Variants in ANKRD45 observed in about 807,000 individuals in gnomAD.
The protein encoded by ANKRD45 is ankyrin repeat domain-containing protein 45.
Under a neutral mutation model 28.1 loss-of-function variants are expected in ANKRD45, and 21 were observed. The ratio of observed to expected loss-of-function variants is 0.75; its 90% CI spans 0.53 to 1.08. The LOEUF (loss-of-function observed/expected upper bound fraction) is 1.08, where lower values mean the gene tolerates loss of function less well. Ranked by LOEUF, ANKRD45 falls within the 50% of genes least tolerant of loss-of-function variation. The pLI is 0.00. For synonymous variants in ANKRD45, 86 were observed against 103.9 expected (o/e 0.83, Z 1.05); for missense variants, 261 against 308.7 (o/e 0.85, Z 1.16).
At chr1:173,649,278 A>C (rs1669072132) in intron 2 of ANKRD45, among the ~76,000 whole-genome samples, 1 of 152,156 alleles carries the variant, frequency 6.6e-6, no homozygotes, top group Admixed American at 6.5e-5. Context: ...TCCATGAACA[A>C]CTTGATATAA....
chr1:173,639,350 A>G (rs1013018925), intron 3 of ANKRD45, among the ~76,000 whole-genome samples: 1 of 152,200 alleles, frequency 6.6e-6, no homozygotes, highest in Non-Finnish European at 1.5e-5. Flanking sequence ...TGCAGATCAG[A>G]TAACCAAACA....
upstream of ANKRD45, among the ~76,000 whole-genome samples, chr1:173,674,008 C>G (rs1670337969): frequency 6.6e-6 from 1 of 151,926 alleles, no homozygotes; most frequent in Non-Finnish European, 1.5e-5. Flanking sequence ...TGTGAGGGAA[C>G]CTTTCTTTTC....
At chr1:173,616,991 G>A (rs549136780) in intron 5 of ANKRD45, among the ~76,000 whole-genome samples, 11 of 152,006 alleles carry the variant, frequency 7.2e-5, no homozygotes, top group South Asian at 2.1e-4. Context: ...CACAATGTAC[G>A]TGTGGCTTAT....
At chr1:173,685,075 A>T in the ANKRD45 span, among the ~76,000 whole-genome samples, 1 of 152,158 alleles carries the variant, frequency 6.6e-6, no homozygotes, top group Admixed American at 6.6e-5. Flanking sequence ...CCTCTGGTTG[A>T]TAAAATGCCA....
At chr1:173,679,910 T>A in the ANKRD45 span, among the ~76,000 whole-genome samples, 2 of 152,200 alleles carry the variant, frequency 1.3e-5, no homozygotes, top group East Asian at 3.8e-4. Flanking sequence ...AAAGAAGACA[T>A]TTATGCAGCC....
At chr1:173,656,574 A>G (rs997249579) in intron 2 of ANKRD45, among the ~76,000 whole-genome samples, 1 of 152,170 alleles carries the variant, frequency 6.6e-6, no homozygotes. Flanking sequence ...ACTGTGATGT[A>G]TGGCCCGACA....
At chr1:173,665,970 C>T (rs563149352) in intron 1 of ANKRD45, among the ~76,000 whole-genome samples, 2 of 152,158 alleles carry the variant, frequency 1.3e-5, no homozygotes, top group Non-Finnish European at 2.9e-5. Context: ...GCTATGATCA[C>T]GCCACTGCAC....
chr1:173,628,678 T>C (rs1013361642), intron 3 of ANKRD45, among the ~76,000 whole-genome samples: 4 of 152,164 alleles, frequency 2.6e-5, no homozygotes, highest in East Asian at 1.9e-4. Context: ...CCAGATGGCA[T>C]CTCCAGACCC....
At chr1:173,689,676 T>A in the ANKRD45 span, among the ~76,000 whole-genome samples, 1 of 152,152 alleles carries the variant, frequency 6.6e-6, no homozygotes, top group Admixed American at 6.6e-5. Flanking sequence ...CTGTTGTATA[T>A]CAAGTGCTTT....
chr1:173,641,980 G>A lies in ANKRD45; in HGVS notation c.496+4866C>T, dbSNP rs1050083414. Among the ~76,000 whole-genome samples, 63 of 152,158 alleles carry A rather than the reference G, an allele frequency of 4.1e-4. 1 individual carries two copies. Among genetic ancestry groups the A allele is most frequent in the African/African-American group, 1.4e-3 (57 of 41,434 alleles). ...TAAGACCTACCAGCCAGATGGCCTG[G>A]AAAAATAGAATAGCCTTAGATATGA... On this transcript the variant is annotated intron_variant, in intron 3 of 5. Coordinates refer to ENST00000333279, the MANE Select transcript of ANKRD45 (RefSeq NM_198493.3).
At chr1:173,682,912 G>C in the ANKRD45 span, among the ~76,000 whole-genome samples, 1 of 151,658 alleles carries the variant, frequency 6.6e-6, no homozygotes, top group East Asian at 1.9e-4. Flanking sequence ...GGCCCTTTTA[G>C]TAGTCAAAAT....
chr1:173,679,814 T>C, the ANKRD45 span, among the ~76,000 whole-genome samples: 1 of 152,152 alleles, frequency 6.6e-6, no homozygotes, highest in East Asian at 1.9e-4. Flanking sequence ...AGGGCTGATA[T>C]CCAGAACCTA....
intron 5 of ANKRD45, 134 bp from the exon 6 acceptor site, chr1:173,610,349 G>T (rs565599017): frequency 1.8e-5 from 14 of 772,046 alleles, no homozygotes; most frequent in Middle Eastern, 3.7e-4. Flanking sequence ...TTCAACCCTA[G>T]TGTTGTTGGT....
chr1:173,659,406 C>A lies in ANKRD45; in HGVS notation c.13G>T (p.Gly5Ter). The A allele has an allele frequency of 6.4e-7, 1 of 1,554,552 alleles. No individual in the cohort carries two copies. The highest frequency in any genetic ancestry group is 8.7e-7 in the Non-Finnish European group (1 of 1,154,944). Residue 5 changes from glycine (G) to a stop codon, truncating the protein, a stop_gained, in exon 2 of 6, where the codon GGA becomes TGA. Coordinates refer to ENST00000333279, the MANE Select transcript of ANKRD45 (RefSeq NM_198493.3). LOFTEE classifies it high-confidence loss of function. The part of the protein sequence containing the change: MESE[G>*]PPESESSEFF... ...TCTGAACTCTCTGACTCTGGAGGTC[C>A]TTCTGACTCCATTAACTCCAAAAAT...
In ANKRD45 at chr1:173,659,176, C is replaced by G. The variant is rs1474809556; in HGVS notation, c.243G>C (p.Leu81Phe). Residue 81 changes from leucine (L) to phenylalanine (F), a missense_variant, in exon 2 of 6, where the codon TTG (leucine) becomes TTC (phenylalanine). By Grantham distance (22) the Leu-to-Phe change is conservative (BLOSUM62 0). Coordinates refer to ENST00000333279, the MANE Select transcript of ANKRD45 (RefSeq NM_198493.3). Reference protein sequence around the residue: ...LEEDIVGRNLLYAACMAGQSD... With the variant: ...LEEDIVGRNLFYAACMAGQSD... ...TTTGCCCAGCCATGCAAGCTGCATA[C>G]AACAAATTTCTCCCAACGATGTCTT... 6.2e-7 allele frequency: 1 copy of G among 1,614,158 alleles called. No individual in the cohort carries two copies. The highest frequency in any genetic ancestry group is 2.2e-5 in the East Asian group (1 of 44,882).
At chr1:173,637,165 C>A in intron 3 of ANKRD45, 1 of 692,530 alleles carries the variant, frequency 1.4e-6, no homozygotes, top group Non-Finnish European at 2.3e-6. Context: ...TAAAATTTTC[C>A]AAAGAAGCCT....
At chr1:173,639,681 C>T (rs1373223572) in intron 3 of ANKRD45, among the ~76,000 whole-genome samples, 1 of 152,182 alleles carries the variant, frequency 6.6e-6, no homozygotes, top group African/African-American at 2.4e-5. Flanking sequence ...GGGGAGGGAT[C>T]CAGGACTAAG....
intron 2 of ANKRD45, 137 bp from the exon 3 acceptor site, chr1:173,647,150 T>C (rs1668973889): frequency 2.7e-6 from 2 of 728,378 alleles, no homozygotes; most frequent in East Asian, 2.8e-5. Flanking sequence ...GTCTTACATA[T>C]AGAAAACTCA....
At position 173,634,950 on chromosome 1, in the gene ANKRD45, A is replaced by C. The variant is rs889063543; in HGVS notation, c.497-7791T>G. 8.5e-5 allele frequency among the ~76,000 whole-genome samples: 13 copies of C among 152,128 alleles called. No individual in the cohort carries two copies. In the East Asian group the frequency reaches 1.7e-3, roughly 20 times the overall value. ...ACTATTTGAAGGGAAGGACATTCCC[A>C]AACAAAAAAATAAAAGCAGATGCTG... On this transcript the variant is annotated intron_variant, in intron 3 of 5. Coordinates refer to ENST00000333279, the MANE Select transcript of ANKRD45 (RefSeq NM_198493.3).
Sources: allele counts gnomAD v4.1 joint callset (sites outside exome capture counted in the v4.1 genomes callset), GRCh38; gene constraint gnomAD v4.1.1; transcripts MANE v1.5; gene names NCBI Gene and HGNC (gene_info 2026-07-23, HGNC 2026-07-21).